The following IMMP2L variants were observed in gnomAD, a reference collection of about 807,000 sequenced individuals.
IMMP2L encodes mitochondrial inner membrane protease subunit 2.
Under a neutral mutation model 19.3 loss-of-function variants are expected in IMMP2L, and 18 were observed. The ratio of observed to expected loss-of-function variants is 0.93; its 90% CI spans 0.64 to 1.38. IMMP2L has a LOEUF of 1.38. Ranked by LOEUF, IMMP2L falls within the 40% of genes most tolerant of loss-of-function variation. The pLI, the probability that IMMP2L is intolerant of heterozygous loss-of-function variation, is 0.00. For missense variants in IMMP2L, 233 were observed against 218.2 expected, an observed-to-expected ratio of 1.07 and a Z score of -0.43; for synonymous variants, 76 against 73.0, an observed-to-expected ratio of 1.04 and a Z score of -0.21.
chr7:111,407,845 T>A (rs985857087), intron 3 of IMMP2L, among the ~76,000 whole-genome samples: 3 of 152,018 alleles, frequency 2.0e-5, no homozygotes, highest in African/African-American at 7.2e-5. Flanking sequence ...AAATAAATAT[T>A]ACTGGCTGAT....
intron 5 of IMMP2L, among the ~76,000 whole-genome samples, chr7:110,826,065 C>G (rs553868101): frequency 1.3e-5 from 2 of 152,040 alleles, no homozygotes; most frequent in Non-Finnish European, 2.9e-5. Flanking sequence ...GACATTTATG[C>G]GCCAACAGAC....
At chr7:111,168,759 GT>G (rs1806113315) in intron 3 of IMMP2L, among the ~76,000 whole-genome samples, 1 of 151,906 alleles carries the variant, frequency 6.6e-6, no homozygotes, top group East Asian at 1.9e-4. Flanking sequence ...TTTGTCATGA[GT>G]AAATAATCTG....
intron 3 of IMMP2L, among the ~76,000 whole-genome samples, chr7:111,214,515 T>TG (rs1170831039): frequency 2.1e-5 from 3 of 144,106 alleles, no homozygotes; most frequent in South Asian, 2.3e-4. Context: ...TTTTTTTTTT[T>TG]TTTTTTTTTT....
chr7:110,852,814 T>C (rs941345387), intron 5 of IMMP2L, among the ~76,000 whole-genome samples: 4 of 152,022 alleles, frequency 2.6e-5, no homozygotes, highest in African/African-American at 2.4e-5. Context: ...TTCCAACTGA[T>C]AGACTAAACT....
intron 4 of IMMP2L, among the ~76,000 whole-genome samples, chr7:110,933,785 G>T (rs984573339): frequency 6.6e-6 from 1 of 152,062 alleles, no homozygotes; most frequent in African/African-American, 2.4e-5. Context: ...TCCCTTTTCA[G>T]ATTTATTTTC....
At chr7:111,392,210 C>T (rs967009091) in intron 3 of IMMP2L, among the ~76,000 whole-genome samples, 2 of 152,086 alleles carry the variant, frequency 1.3e-5, no homozygotes, top group Non-Finnish European at 2.9e-5. Context: ...AATGGATATA[C>T]TGTCTAACCA....
intron 3 of IMMP2L, among the ~76,000 whole-genome samples, chr7:111,190,220 A>T (rs1808721272): frequency 6.6e-6 from 1 of 152,062 alleles, no homozygotes; most frequent in Non-Finnish European, 1.5e-5. Context: ...CATGACGGTT[A>T]TTATTTTTAA....
At chr7:111,276,373 T>G (rs1228529938) in intron 3 of IMMP2L, among the ~76,000 whole-genome samples, 1 of 152,098 alleles carries the variant, frequency 6.6e-6, no homozygotes, top group Non-Finnish European at 1.5e-5. Flanking sequence ...GGATTTTGTG[T>G]CTATGGTCAT....
chr7:111,042,189 C>CT (rs1554499552), intron 3 of IMMP2L, among the ~76,000 whole-genome samples: 3 of 151,602 alleles, frequency 2.0e-5, no homozygotes, highest in East Asian at 1.9e-4. Context: ...AAAGTTTTTT[C>CT]TTTTTTTTGA....
chr7:111,506,273 G>A (rs914748173), intron 2 of IMMP2L, among the ~76,000 whole-genome samples: 2 of 151,796 alleles, frequency 1.3e-5, no homozygotes, highest in African/African-American at 2.4e-5. Context: ...ATAATAAGGT[G>A]GACACACCCC....
At chr7:110,684,841 T>C (rs1365489266) in intron 5 of IMMP2L, among the ~76,000 whole-genome samples, 1 of 151,782 alleles carries the variant, frequency 6.6e-6, no homozygotes, top group Non-Finnish European at 1.5e-5. Flanking sequence ...GCAACAGGAG[T>C]AGAACCTGCC....
chr7:111,472,234 TA>T (rs1841337170), intron 3 of IMMP2L, among the ~76,000 whole-genome samples: 1 of 152,104 alleles, frequency 6.6e-6, no homozygotes, highest in Non-Finnish European at 1.5e-5. Flanking sequence ...ACATGAATTT[TA>T]AAGAGAATAT....
chr7:110,887,700 C>T (rs913028144), intron 4 of IMMP2L, among the ~76,000 whole-genome samples: 1 of 150,288 alleles, frequency 6.7e-6, no homozygotes, highest in African/African-American at 2.4e-5. Flanking sequence ...AAAATATTAT[C>T]CTAATCCCAC....
chr7:111,279,563 C>G (rs1819474153), intron 3 of IMMP2L, among the ~76,000 whole-genome samples: 1 of 152,064 alleles, frequency 6.6e-6, no homozygotes, highest in Non-Finnish European at 1.5e-5. Context: ...AACCCTTTTT[C>G]TAAATATTAT....
chr7:111,272,906 C>A lies in IMMP2L; in HGVS notation c.239+214332G>T, dbSNP rs181943318. 2.6e-5 allele frequency among the ~76,000 whole-genome samples: 4 copies of A among 152,222 alleles called. No individual in the cohort carries two copies. In the East Asian group the frequency reaches 7.7e-4, roughly 29 times the overall value. ...TAGCAAGAGTACAGAAATTAGCTAA[C>A]TGATCTAGATGTTGGAGGAGGTGAC... is the stretch of plus-strand genomic sequence containing the variant. On this transcript the variant is annotated intron_variant, in intron 3 of 5. Coordinates refer to ENST00000405709, the MANE Select transcript of IMMP2L (RefSeq NM_032549.4).
At chr7:110,790,632 AT>A (rs1800399895) in intron 5 of IMMP2L, among the ~76,000 whole-genome samples, 1 of 151,620 alleles carries the variant, frequency 6.6e-6, no homozygotes, top group African/African-American at 2.4e-5. Context: ...TGGGTTCCAG[AT>A]TTTTGGCCTG....
chr7:111,402,998 C>CA (rs981190383), intron 3 of IMMP2L, among the ~76,000 whole-genome samples: 3 of 99,636 alleles, frequency 3.0e-5, no homozygotes, highest in African/African-American at 4.4e-5. Flanking sequence ...TTGACCCCCC[C>CA]CCCCCACCCC....
rs762576425 is a variant in IMMP2L at position 111,268,569 on chromosome 7, C to CTTTTTTTTTTTTT, written c.239+218656_239+218668dup. 8.7e-4 allele frequency among the ~76,000 whole-genome samples: 39 copies of CTTTTTTTTTTTTT among 44,592 alleles called. 7 individuals are homozygous for CTTTTTTTTTTTTT. The highest frequency in any genetic ancestry group is 2.3e-3 in the East Asian group (3 of 1,324). 29.3% of individuals were successfully genotyped at this position (44,592 alleles called of 152,430 possible). A position where few individuals can be genotyped will look rare whatever the true frequency, so the allele number is the denominator to read the frequency against. On this transcript the variant is annotated intron_variant, in intron 3 of 5. Transcript: ENST00000405709. ...GATATGAGTTAAACTTCACATTTCT[C>CTTTTTTTTTTTTT]TTTTTTTTTTTTTTTTTTTTTTTTT...
intron 5 of IMMP2L, among the ~76,000 whole-genome samples, chr7:110,819,756 C>T (rs947928160): frequency 4.0e-5 from 6 of 151,842 alleles, no homozygotes; most frequent in South Asian, 2.1e-4. Context: ...GATAATAATA[C>T]GAATTAAAAG....
Sources: allele counts gnomAD v4.1 joint callset (sites outside exome capture counted in the v4.1 genomes callset), GRCh38; gene constraint gnomAD v4.1.1; transcripts MANE v1.5; gene names NCBI Gene and HGNC (gene_info 2026-07-23, HGNC 2026-07-21).